Variants in CPNE4 observed in about 807,000 individuals in gnomAD.
CPNE4 encodes copine-4.
In CPNE4, 25 loss-of-function variants were observed where a neutral mutation model predicts 67.9. That is an observed-to-expected ratio of 0.37 (90% confidence interval 0.27 to 0.51). CPNE4 has a LOEUF of 0.51. Among genes scored for constraint, CPNE4 ranks in the 20% least tolerant of loss-of-function variants. CPNE4 has a pLI of 0.93. For missense variants in CPNE4, 464 were observed against 690.8 expected, an observed-to-expected ratio of 0.67 and a Z score of 3.68; for synonymous variants, 242 against 244.9, an observed-to-expected ratio of 0.99 and a Z score of 0.11.
intron 1 of CPNE4, among the ~76,000 whole-genome samples, chr3:131,936,730 C>A (rs1258887957): frequency 6.6e-6 from 1 of 151,498 alleles, no homozygotes; most frequent in Admixed American, 6.6e-5. Context: ...CACATTTTAC[C>A]ATTAGCTTTA....
chr3:131,781,975 T>C (rs2107856364), intron 2 of CPNE4, among the ~76,000 whole-genome samples: 1 of 152,074 alleles, frequency 6.6e-6, no homozygotes, highest in Admixed American at 6.6e-5. Context: ...TGCTCAAGAG[T>C]TGTCTGTTAA....
chr3:131,778,302 C>T (rs746653058), intron 2 of CPNE4, among the ~76,000 whole-genome samples: 8 of 152,098 alleles, frequency 5.3e-5, no homozygotes, highest in African/African-American at 1.4e-4. Context: ...CTCCTCCTAT[C>T]GTGTACCCTT....
chr3:131,885,413 A>T, intron 2 of CPNE4, among the ~76,000 whole-genome samples: 1 of 151,950 alleles, frequency 6.6e-6, no homozygotes, highest in East Asian at 1.9e-4. Flanking sequence ...TATAGTAATA[A>T]TAGGTTAATA....
chr3:132,013,166 T>C (rs2073812592), intron 1 of CPNE4, among the ~76,000 whole-genome samples: 1 of 152,148 alleles, frequency 6.6e-6, no homozygotes, highest in Middle Eastern at 3.2e-3. Context: ...GAGGTTGCAG[T>C]GAACCAAGAT....
chr3:131,756,943 T>C (rs1370102604), intron 2 of CPNE4, among the ~76,000 whole-genome samples: 1 of 152,194 alleles, frequency 6.6e-6, no homozygotes, highest in East Asian at 1.9e-4. Flanking sequence ...TTCTTCCTCA[T>C]TTTCTCTTGC....
intron 12 of CPNE4, among the ~76,000 whole-genome samples, chr3:131,553,122 T>C (rs1180761524): frequency 2.0e-5 from 3 of 152,104 alleles, no homozygotes; most frequent in Non-Finnish European, 4.4e-5. Flanking sequence ...TCAAATAACA[T>C]ATTGTTTACT....
chr3:131,535,075 G>A lies in CPNE4; in HGVS notation c.*120C>T, dbSNP rs557575739. ...TCAGATAGTTAAAAATCACCAAAAC[G>A]TGCTATTTTTAAATGTGTATATGTT... On this transcript the variant is annotated 3_prime_UTR_variant, in exon 16 of 16. Coordinates refer to ENST00000429747, the MANE Select transcript of CPNE4 (RefSeq NM_130808.3). 6.7e-5 allele frequency: 71 copies of A among 1,058,790 alleles called. No individual in the cohort carries two copies. Among genetic ancestry groups the A allele is most frequent in the Non-Finnish European group, 8.5e-5 (65 of 765,018 alleles). The allele number at this position is 1,058,790 out of a possible 1,614,324, so 65.6% of individuals were successfully genotyped here.
intron 11 of CPNE4, among the ~76,000 whole-genome samples, chr3:131,557,776 T>C (rs1218434050): frequency 6.6e-6 from 1 of 151,992 alleles, no homozygotes; most frequent in East Asian, 1.9e-4. Flanking sequence ...CAATTCCTCC[T>C]TAAACAAAAC....
rs73874132 is a variant in CPNE4 at position 131,582,156 on chromosome 3, G to C, written c.781-491C>G. 8.7e-3 allele frequency among the ~76,000 whole-genome samples: 1,329 copies of C among 152,252 alleles called. 18 individuals carry two copies. Among genetic ancestry groups the C allele is most frequent in the East Asian group, 0.054 (278 of 5,172 alleles). ...GCCTGAGAATTGACTCAAAAGGTTA[G>C]GAATAGTGAATGCTGGCTAGAGAAA... On this transcript the variant is annotated intron_variant, in intron 8 of 15. Coordinates refer to ENST00000429747, the MANE Select transcript of CPNE4 (RefSeq NM_130808.3).
rs111240501 is a variant in CPNE4, at chr3:131,635,074, G to C, written c.681+34601C>G. Among the ~76,000 whole-genome samples, 181 of 152,156 alleles carry C rather than the reference G, an allele frequency of 1.2e-3. 1 individual carries two copies. Among genetic ancestry groups the C allele is most frequent in the Middle Eastern group, 6.8e-3 (2 of 292 alleles). On this transcript the variant is annotated intron_variant, in intron 7 of 15. Coordinates refer to ENST00000429747, the MANE Select transcript of CPNE4 (RefSeq NM_130808.3). The stretch of plus-strand genomic sequence containing the variant: ...GGATGAAAAATAAATTTTGATTTTT[G>C]GAATGCTTTTCCATGATTTCTGTAG...
At chr3:131,813,405 A>C (rs1258168556) in intron 2 of CPNE4, among the ~76,000 whole-genome samples, 1 of 150,178 alleles carries the variant, frequency 6.7e-6, no homozygotes, top group Non-Finnish European at 1.5e-5. Flanking sequence ...TGTATATACA[A>C]ACGTATATAT....
chr3:131,962,657 T>G lies in CPNE4; in HGVS notation c.-1-57213A>C, dbSNP rs1473962467. On this transcript the variant is annotated intron_variant, in intron 1 of 15. Coordinates refer to ENST00000429747, the MANE Select transcript of CPNE4 (RefSeq NM_130808.3). The stretch of plus-strand genomic sequence containing the variant: ...ACTTAAACATTTATAATTGAATATT[T>G]ATCTAAACCATGAAATCCTAAACAA... Among the ~76,000 whole-genome samples, 5 of 152,294 alleles carry G rather than the reference T, an allele frequency of 3.3e-5. No homozygotes were observed. The East Asian group carries it at 7.7e-4, about 24-fold the overall frequency.
chr3:131,668,509 T>A (rs996504754), intron 7 of CPNE4, among the ~76,000 whole-genome samples: 6 of 152,126 alleles, frequency 3.9e-5, no homozygotes, highest in African/African-American at 1.4e-4. Context: ...AATTCTGATT[T>A]CAGGCAATAA....
intron 2 of CPNE4, among the ~76,000 whole-genome samples, chr3:131,724,335 A>G (rs2081954999): frequency 6.6e-6 from 1 of 152,184 alleles, no homozygotes; most frequent in Non-Finnish European, 1.5e-5. Context: ...AACAAAATGA[A>G]AATTAGATTA....
intron 14 of CPNE4, among the ~76,000 whole-genome samples, chr3:131,547,680 G>C (rs752299088): frequency 7.2e-5 from 11 of 151,996 alleles, no homozygotes; most frequent in Non-Finnish European, 1.6e-4. Context: ...TATATCCACA[G>C]TTTTATATAT....
chr3:131,985,072 G>A lies in CPNE4; in HGVS notation c.-2+49495C>T, dbSNP rs139569167. Among the ~76,000 whole-genome samples, 10 of 152,284 alleles carry A rather than the reference G, an allele frequency of 6.6e-5. No homozygotes were observed. The East Asian group carries it at 7.7e-4, about 12-fold the overall frequency. ...TCTGGATACTGAGAGTCTGCGATCA[G>A]GATGCCAGCATTGTGAGGGCTCCCT... On this transcript the variant is annotated intron_variant, in intron 1 of 15. Transcript: ENST00000429747.
chr3:131,936,083 A>G (rs1180749586), intron 1 of CPNE4, among the ~76,000 whole-genome samples: 1 of 151,822 alleles, frequency 6.6e-6, no homozygotes, highest in South Asian at 2.1e-4. Flanking sequence ...TGATGCATAA[A>G]TCAACACTTT....
intron 12 of CPNE4, among the ~76,000 whole-genome samples, chr3:131,554,980 T>C (rs1055096770): frequency 6.6e-5 from 10 of 152,058 alleles, no homozygotes; most frequent in African/African-American, 2.4e-4. Flanking sequence ...CAAAACCAAA[T>C]AGGATTCCAA....
intron 1 of CPNE4, among the ~76,000 whole-genome samples, chr3:132,014,690 T>C (rs1482781619): frequency 6.6e-6 from 1 of 152,168 alleles, no homozygotes; most frequent in Non-Finnish European, 1.5e-5. Context: ...ATGGTGTATA[T>C]AAGGAGGGTT....
Sources: allele counts gnomAD v4.1 joint callset (sites outside exome capture counted in the v4.1 genomes callset), GRCh38; gene constraint gnomAD v4.1.1; transcripts MANE v1.5; gene names NCBI Gene and HGNC (gene_info 2026-07-23, HGNC 2026-07-21).